RANBP17: variants seen among roughly 807,000 people sequenced by gnomAD.
RANBP17 encodes the protein ran-binding protein 17.
Under a neutral mutation model 141.2 loss-of-function variants are expected in RANBP17, and 158 were observed. That is an observed-to-expected ratio of 1.12 (90% CI 0.98 to 1.28). The LOEUF (loss-of-function observed/expected upper bound fraction) is 1.28. Ranked by LOEUF, RANBP17 falls within the 50% of genes most tolerant of loss-of-function variation. RANBP17 has a pLI of 0.00. For synonymous variants in RANBP17, 430 were observed against 450.0 expected, an observed-to-expected ratio of 0.96 and a Z score of 0.56; for missense variants, 1,438 against 1,290.7, an observed-to-expected ratio of 1.11 and a Z score of -1.75.
At chr5:171,136,105 C>T (rs573142215) in intron 14 of RANBP17, among the ~76,000 whole-genome samples, 1 of 152,190 alleles carries the variant, frequency 6.6e-6, no homozygotes, top group Non-Finnish European at 1.5e-5. Flanking sequence ...TTAGTTGATG[C>T]TTGAATCAAA....
rs377592738 is a variant in RANBP17, at chr5:171,152,373, C to G, written c.1711-17757C>G. On this transcript the variant is annotated intron_variant, in intron 14 of 27. Transcript: ENST00000523189. ...GGCGGAGGTTGCAGTGAGCTGAGAT[C>G]GCTATTGCACTCCAGTCTGGGCGAC... is the stretch of plus-strand genomic sequence containing the variant. 2.0e-5 allele frequency among the ~76,000 whole-genome samples: 3 copies of G among 150,084 alleles called. No individual in the cohort carries two copies. In the East Asian group the frequency reaches 5.9e-4, roughly 29 times the overall value.
chr5:171,283,763 T>C (rs1363076907), intron 25 of RANBP17, among the ~76,000 whole-genome samples: 2 of 152,218 alleles, frequency 1.3e-5, no homozygotes, highest in African/African-American at 4.8e-5. Flanking sequence ...CACATGTTTG[T>C]ATTATTCAGT....
rs1757163588 is a variant in RANBP17 at position 171,134,874 on chromosome 5, A to C, written c.1711-35256A>C. Among the ~76,000 whole-genome samples the C allele has an allele frequency of 2.6e-5, 4 of 152,094 alleles. No homozygotes were observed. In the South Asian group the frequency reaches 8.3e-4, roughly 32 times the overall value. ...GAAGCAGAGGTTATAGTGAGCTGAGATTGTGCCACTGCACTCCAGCCAGGG... is the reference window on the plus strand; with the variant it reads ...GAAGCAGAGGTTATAGTGAGCTGAGCTTGTGCCACTGCACTCCAGCCAGGG... On this transcript the variant is annotated intron_variant, in intron 14 of 27. Transcript: ENST00000523189.
At chr5:171,077,343 A>C (rs1293520908) in intron 14 of RANBP17, among the ~76,000 whole-genome samples, 1 of 152,292 alleles carries the variant, frequency 6.6e-6, no homozygotes, top group South Asian at 2.1e-4. Flanking sequence ...CCATCTCAAA[A>C]AAAAAAAGAA....
chr5:171,237,669 C>T (rs1404448241), intron 22 of RANBP17, among the ~76,000 whole-genome samples: 2 of 152,186 alleles, frequency 1.3e-5, no homozygotes, highest in Non-Finnish European at 2.9e-5. Flanking sequence ...TATTTGTGTG[C>T]TGCTACAGTA....
intron 14 of RANBP17, among the ~76,000 whole-genome samples, chr5:170,994,063 C>T (rs1456409131): frequency 2.6e-5 from 4 of 151,916 alleles, no homozygotes; most frequent in Non-Finnish European, 5.9e-5. Context: ...GTGGGAAATA[C>T]CTACTTATGT....
intron 13 of RANBP17, among the ~76,000 whole-genome samples, chr5:170,958,810 A>G (rs955642733): frequency 1.3e-5 from 2 of 152,160 alleles, no homozygotes; most frequent in Non-Finnish European, 2.9e-5. Context: ...AAACATAGCA[A>G]ATAAATATAT....
intron 27 of RANBP17, among the ~76,000 whole-genome samples, chr5:171,296,457 A>G (rs3097246): frequency 0.59 from 89,790 of 152,052 alleles, 27,669 homozygotes; most frequent in South Asian, 0.76. Flanking sequence ...ATATTTCAAA[A>G]TAGCTAAAAG....
rs539528739 is a variant in RANBP17 at position 171,046,932 on chromosome 5, A to G, written c.1710+78555A>G. Among the ~76,000 whole-genome samples, 18 of 151,420 alleles carry G rather than the reference A, an allele frequency of 1.2e-4. No individual in the cohort carries two copies. The South Asian group carries it at 3.6e-3, about 30-fold the overall frequency. On this transcript the variant is annotated intron_variant, in intron 14 of 27. Coordinates refer to ENST00000523189, the MANE Select transcript of RANBP17 (RefSeq NM_022897.5). ...TTTGAGCAGTTTCAGCACAATCTTA[A>G]TTTTTATAAATCTCAAGTTTGTCAT...
Position 170,911,213 on chromosome 5 carries a change from A to T in RANBP17, c.760+79A>T, listed in dbSNP as rs183502839. On this transcript the variant is annotated intron_variant, in intron 7 of 27. Coordinates refer to ENST00000523189, the MANE Select transcript of RANBP17 (RefSeq NM_022897.5). ...CAATATAGTTTCTGTATGTATAGTT[A>T]TCTTTTTGCCAGGAATTAAAAAAAT... 2.6e-4 allele frequency: 337 copies of T among 1,303,346 alleles called. 2 individuals are homozygous for T. In the East Asian group the frequency reaches 7.2e-3, roughly 28 times the overall value. The allele number at this position is 1,303,346 out of a possible 1,614,324, so 80.7% of individuals were successfully genotyped here.
At chr5:171,053,644 A>G (rs530507874) in intron 14 of RANBP17, among the ~76,000 whole-genome samples, 9 of 151,926 alleles carry the variant, frequency 5.9e-5, no homozygotes, top group African/African-American at 2.2e-4. Context: ...TTTTCTATAT[A>G]TAGAATTATG....
At chr5:171,092,166 T>A (rs1287433336) in intron 14 of RANBP17, among the ~76,000 whole-genome samples, 1 of 152,250 alleles carries the variant, frequency 6.6e-6, no homozygotes, top group Non-Finnish European at 1.5e-5. Flanking sequence ...GATTTAATAC[T>A]TAAGAAATTG....
chr5:171,151,575 A>T (rs1197910074), intron 14 of RANBP17, among the ~76,000 whole-genome samples: 1 of 152,218 alleles, frequency 6.6e-6, no homozygotes, highest in Non-Finnish European at 1.5e-5. Context: ...TATTATGAAA[A>T]GATATAAATA....
At chr5:171,277,690 G>A (rs564235375) in intron 25 of RANBP17, among the ~76,000 whole-genome samples, 4 of 76,230 alleles carry the variant, frequency 5.2e-5, no homozygotes, top group Admixed American at 1.7e-4. Context: ...AGCTCTGTGA[G>A]GTAGGTATTT....
intron 14 of RANBP17, chr5:171,029,022 T>C: frequency 2.0e-6 from 2 of 1,010,344 alleles, no homozygotes; most frequent in South Asian, 3.5e-5. Flanking sequence ...GTTAAGCCAG[T>C]TCTTTTCTGG....
chr5:170,868,569 G>T (rs867931176), intron 1 of RANBP17, among the ~76,000 whole-genome samples: 3 of 152,098 alleles, frequency 2.0e-5, no homozygotes, highest in Non-Finnish European at 2.9e-5. Flanking sequence ...GCCATGCCTG[G>T]CCTGTCTGTT....
At chr5:171,234,052 T>TA (rs755497554) in intron 22 of RANBP17, among the ~76,000 whole-genome samples, 2,732 of 138,334 alleles carry the variant, frequency 0.02, 56 homozygotes, top group African/African-American at 0.054. Context: ...CTCCTTATTG[T>TA]AAAAAAAAAA....
chr5:171,071,458 A>G (rs141109033), intron 14 of RANBP17, among the ~76,000 whole-genome samples: 49 of 152,186 alleles, frequency 3.2e-4, no homozygotes, highest in African/African-American at 1.1e-3. Flanking sequence ...CAATTTTAAT[A>G]TAAGGCTACA....
chr5:171,274,130 G>T (rs1767325592), intron 25 of RANBP17, among the ~76,000 whole-genome samples: 1 of 127,104 alleles, frequency 7.9e-6, no homozygotes. Flanking sequence ...GTGTGTGTGT[G>T]TGTGTGTGTG....
Sources: gnomAD v4.1 joint callset for allele counts (sites outside exome capture counted in the v4.1 genomes callset) on GRCh38, gnomAD v4.1.1 for gene constraint, MANE v1.5 for transcripts, NCBI Gene and HGNC (gene_info 2026-07-23, HGNC 2026-07-21) for gene names.